Variants in DENND6A observed in about 807,000 individuals in gnomAD.
DENND6A encodes the protein DENN domain containing 6A.
A neutral mutation model predicts 95.5 loss-of-function variants in DENND6A; 43 were observed. The ratio of observed to expected loss-of-function variants is 0.45; its 90% CI spans 0.35 to 0.58. The LOEUF is 0.58. DENND6A is among the 20% of genes least tolerant of loss of function. The pLI, the probability that DENND6A is intolerant of heterozygous loss-of-function variation, is 0.00. For synonymous variants in DENND6A, 257 were observed against 260.4 expected, an observed-to-expected ratio of 0.99 and a Z score of 0.13; for missense variants, 574 against 736.0, an observed-to-expected ratio of 0.78 and a Z score of 2.55.
intron 18 of DENND6A, among the ~76,000 whole-genome samples, chr3:57,629,367 G>C (rs935415748): frequency 1.3e-5 from 2 of 152,052 alleles, no homozygotes; most frequent in South Asian, 4.1e-4. Flanking sequence ...GAGTTTATGA[G>C]TAGAAAGTTA....
intron 14 of DENND6A, among the ~76,000 whole-genome samples, chr3:57,633,912 A>G (rs1378853894): frequency 6.6e-6 from 1 of 151,940 alleles, no homozygotes; most frequent in Non-Finnish European, 1.5e-5. Context: ...AAGTGAGTTC[A>G]CTATAAAGAC....
chr3:57,645,299 A>G (rs568411726), intron 11 of DENND6A, among the ~76,000 whole-genome samples: 1 of 152,046 alleles, frequency 6.6e-6, no homozygotes, highest in African/African-American at 2.4e-5. Context: ...TGTCTCTACT[A>G]AAAATACAAA....
intron 11 of DENND6A, among the ~76,000 whole-genome samples, chr3:57,642,037 G>A (rs1055038433): frequency 2.0e-5 from 3 of 152,062 alleles, no homozygotes; most frequent in African/African-American, 4.8e-5. Flanking sequence ...ACAATTAGCC[G>A]AGCGCGGTGA....
rs1432855277 is a variant in DENND6A, at chr3:57,626,842, A to G, written c.*1372T>C. On this transcript the variant is annotated 3_prime_UTR_variant, in exon 20 of 20. Coordinates refer to ENST00000311128, the MANE Select transcript of DENND6A (RefSeq NM_152678.3). ...AAACAAAACAGAAACAAAAACAACA[A>G]CAACAAAAGCTAACCATGACAGTGA... 6.6e-6 allele frequency: 1 copy of G among 152,612 alleles called. No individual in the cohort carries two copies. The highest frequency in any genetic ancestry group is 2.4e-5 in the African/African-American group (1 of 41,460). The allele number at this position is 152,612 out of a possible 1,614,324, so 9.5% of individuals were successfully genotyped here. A position where few individuals can be genotyped will look rare whatever the true frequency, so the allele number is the denominator to read the frequency against.
chr3:57,684,151 C>CAAAAA (rs35147242), intron 1 of DENND6A, among the ~76,000 whole-genome samples: 1 of 79,104 alleles, frequency 1.3e-5, no homozygotes, highest in African/African-American at 5.4e-5. Context: ...GACTCCGTCT[C>CAAAAA]AAAAAAAAAA....
intron 15 of DENND6A, among the ~76,000 whole-genome samples, chr3:57,632,856 T>A (rs756666015): frequency 4.6e-5 from 7 of 152,192 alleles, no homozygotes; most frequent in Non-Finnish European, 8.8e-5. Context: ...ATCATAGAGC[T>A]ACAGCCTCAT....
intron 6 of DENND6A, 146 bp from the exon 7 acceptor site, chr3:57,660,985 A>G (rs534756812): frequency 1.2e-4 from 80 of 648,210 alleles, no homozygotes; most frequent in Non-Finnish European, 1.8e-4. Context: ...AAGAAAAGTC[A>G]AAGTGATGAA....
At chr3:57,641,298 T>C (rs2070928488) in intron 12 of DENND6A, among the ~76,000 whole-genome samples, 1 of 143,764 alleles carries the variant, frequency 7.0e-6, no homozygotes, top group Non-Finnish European at 1.5e-5. Flanking sequence ...ATATTATATA[T>C]TTAAATATAT....
intron 9 of DENND6A, among the ~76,000 whole-genome samples, chr3:57,649,944 G>A (rs1013900833): frequency 2.7e-5 from 4 of 147,698 alleles, no homozygotes; most frequent in South Asian, 2.1e-4. Flanking sequence ...CACACACACC[G>A]TGGAATACTA....
At chr3:57,678,530 C>T (rs1017816019) in intron 1 of DENND6A, among the ~76,000 whole-genome samples, 4 of 152,140 alleles carry the variant, frequency 2.6e-5, no homozygotes, top group African/African-American at 9.7e-5. Flanking sequence ...GGACTGAATC[C>T]CCCAAAAATT....
intron 1 of DENND6A, among the ~76,000 whole-genome samples, chr3:57,684,334 G>A (rs991258473): frequency 4.0e-5 from 6 of 151,720 alleles, no homozygotes; most frequent in African/African-American, 1.5e-4. Context: ...GCGGTGGCAC[G>A]TGCCTGTAAT....
At chr3:57,637,917 C>T (rs200796051) in intron 12 of DENND6A, among the ~76,000 whole-genome samples, 1 of 151,898 alleles carries the variant, frequency 6.6e-6, no homozygotes, top group Non-Finnish European at 1.5e-5. Flanking sequence ...GAGTGGATCA[C>T]GAGGTCAGGA....
intron 5 of DENND6A, among the ~76,000 whole-genome samples, chr3:57,662,531 G>GGAA: frequency 6.6e-6 from 1 of 152,000 alleles, no homozygotes; most frequent in South Asian, 2.1e-4. Context: ...AAAAAGAATT[G>GGAA]TACATTTGGA....
chr3:57,646,469 T>C lies in DENND6A; in HGVS notation c.819-31A>G, dbSNP rs376614820. On this transcript the variant is annotated intron_variant, in intron 9 of 19. Transcript: ENST00000311128. ...AGGTGATGCACAGTAGAAATACTTT[T>C]TAATGTAGCCAATCCTGTTTTTAAA... The C allele has an allele frequency of 5.7e-5, 90 of 1,581,222 alleles. No homozygotes were observed. In the African/African-American group the frequency reaches 9.8e-4, roughly 17 times the overall value.
intron 11 of DENND6A, among the ~76,000 whole-genome samples, chr3:57,643,642 C>T (rs2070999745): frequency 6.6e-6 from 1 of 151,226 alleles, no homozygotes; most frequent in African/African-American, 2.4e-5. Flanking sequence ...GTCTGGCCAA[C>T]ATGATGAAAC....
At chr3:57,629,513 T>A (rs2070614137) in intron 18 of DENND6A, among the ~76,000 whole-genome samples, 1 of 141,822 alleles carries the variant, frequency 7.1e-6, no homozygotes, top group South Asian at 2.4e-4. Flanking sequence ...TCCGCTTTTT[T>A]TTTTTTTTTT....
intron 1 of DENND6A, among the ~76,000 whole-genome samples, chr3:57,691,669 C>CAAAAAAA (rs71091304): frequency 1.1e-4 from 10 of 93,584 alleles, no homozygotes; most frequent in South Asian, 3.7e-4. Flanking sequence ...TCACCAATAC[C>CAAAAAAA]AAAAAAAAAA....
chr3:57,641,714 A>G lies in DENND6A; in HGVS notation c.1071T>C (p.Phe357=). The G allele has an allele frequency of 1.9e-6, 3 of 1,613,624 alleles. No individual in the cohort carries two copies. Among genetic ancestry groups the G allele is most frequent in the Non-Finnish European group, 1.7e-6 (2 of 1,179,770 alleles). The change falls in exon 12 of 20, where the codon TTT becomes TTC. Residue 357 remains phenylalanine, a synonymous_variant. Coordinates refer to ENST00000311128, the MANE Select transcript of DENND6A (RefSeq NM_152678.3). ...GCCAGTGCTGGAGTGTCTTAGCAAAAAAAGGGTTGGTTACTCCTAATATAA... is the reference window on the plus strand; with the variant it reads ...GCCAGTGCTGGAGTGTCTTAGCAAAGAAAGGGTTGGTTACTCCTAATATAA... ...PSVILGVTNP[F]FAKTLQHWPH... is the part of the protein sequence containing the mutation.
At chr3:57,673,776 C>T (rs888296502) in intron 1 of DENND6A, among the ~76,000 whole-genome samples, 1 of 151,998 alleles carries the variant, frequency 6.6e-6, no homozygotes, top group African/African-American at 2.4e-5. Flanking sequence ...AGGAGTTTCA[C>T]TCTTGTTGCC....
Sources: allele counts gnomAD v4.1 joint callset (sites outside exome capture counted in the v4.1 genomes callset), GRCh38; gene constraint gnomAD v4.1.1; transcripts MANE v1.5; gene names NCBI Gene and HGNC (gene_info 2026-07-23, HGNC 2026-07-21).